The following TNIK variants were observed in gnomAD, a reference collection of about 807,000 sequenced individuals.
TNIK encodes TRAF2 and NCK-interacting protein kinase.
In TNIK, 49 loss-of-function variants were observed where a neutral mutation model predicts 191.3. The ratio of observed to expected loss-of-function variants is 0.26; its 90% confidence interval spans 0.20 to 0.32. TNIK has a LOEUF of 0.32. TNIK is among the 10% of genes least tolerant of loss of function. TNIK has a pLI of 1.00. For missense variants in TNIK, 1,155 were observed against 1,702.3 expected (o/e 0.68, Z 5.66); for synonymous variants, 594 against 600.9 (o/e 0.99, Z 0.17).
At chr3:171,093,740 T>C in intron 23 of TNIK, 99 bp downstream of exon 23, 1 of 1,468,280 alleles carries the variant, frequency 6.8e-7, no homozygotes, top group Non-Finnish European at 9.1e-7. Context: ...GAATTCCCCA[T>C]ACTTAAAATA....
At chr3:171,419,205 G>A (rs1335167496) in intron 1 of TNIK, among the ~76,000 whole-genome samples, 3 of 152,134 alleles carry the variant, frequency 2.0e-5, no homozygotes, top group African/African-American at 4.8e-5. Flanking sequence ...ATGTAACAAC[G>A]TGGACAAAAC....
chr3:171,429,228 A>G (rs1193690951), intron 1 of TNIK, among the ~76,000 whole-genome samples: 1 of 152,200 alleles, frequency 6.6e-6, no homozygotes, highest in Non-Finnish European at 1.5e-5. Flanking sequence ...TTTTAAGGGT[A>G]TCATGATCCC....
rs113761634 is a variant in TNIK, at chr3:171,237,735, A to C, written c.124-9514T>G. Among the ~76,000 whole-genome samples the C allele has an allele frequency of 5.2e-3, 790 of 152,268 alleles. 6 individuals carry two copies. Among genetic ancestry groups the C allele is most frequent in the Admixed American group, 0.013 (194 of 15,300 alleles). On this transcript the variant is annotated intron_variant, in intron 2 of 32. Transcript: ENST00000436636. ...CCAGGAACTCGAGACCAGCCTGAGC[A>C]ATATAGTGAGACCCCGTCTCTATAA...
At chr3:171,408,380 G>C (rs564960927) in intron 1 of TNIK, among the ~76,000 whole-genome samples, 119 of 152,270 alleles carry the variant, frequency 7.8e-4, no homozygotes, top group African/African-American at 2.7e-3. Flanking sequence ...GGCTCATTTA[G>C]CCATGAAGGG....
At chr3:171,339,308 G>A (rs1288752417) in intron 2 of TNIK, among the ~76,000 whole-genome samples, 6 of 152,198 alleles carry the variant, frequency 3.9e-5, no homozygotes, top group African/African-American at 1.4e-4. Context: ...TCCTTGCCAT[G>A]AGTGTGGCTC....
intron 3 of TNIK, among the ~76,000 whole-genome samples, chr3:171,224,471 A>T (rs1181494154): frequency 1.3e-5 from 2 of 152,062 alleles, no homozygotes; most frequent in Non-Finnish European, 2.9e-5. Flanking sequence ...GGTTATCAAA[A>T]AAAAAACCCC....
chr3:171,295,487 T>G (rs13092279), intron 2 of TNIK, among the ~76,000 whole-genome samples: 67,910 of 151,958 alleles, frequency 0.45, 15,912 homozygotes, highest in Non-Finnish European at 0.51. Context: ...AGCTCCAAGC[T>G]GTCACATCTC....
chr3:171,166,367 CA>C (rs1734620498), intron 10 of TNIK, among the ~76,000 whole-genome samples: 1 of 152,170 alleles, frequency 6.6e-6, no homozygotes, highest in African/African-American at 2.4e-5. Context: ...CCCTAATATA[CA>C]GTATTAGCAT....
At chr3:171,165,415 CAAAAAAA>C (rs35708323) in intron 10 of TNIK, among the ~76,000 whole-genome samples, 13 of 72,796 alleles carry the variant, frequency 1.8e-4, no homozygotes, top group African/African-American at 5.5e-4. Context: ...GAACTCATCT[CAAAAAAA>C]AAAAAAAAAA....
At chr3:171,282,822 A>G (rs1750617116) in intron 2 of TNIK, among the ~76,000 whole-genome samples, 2 of 152,362 alleles carry the variant, frequency 1.3e-5, no homozygotes, top group Admixed American at 6.5e-5. Flanking sequence ...TTAGAATACA[A>G]AACTCTAAGA....
At chr3:171,147,860 C>A (rs1731851418) in intron 12 of TNIK, among the ~76,000 whole-genome samples, 1 of 152,104 alleles carries the variant, frequency 6.6e-6, no homozygotes, top group African/African-American at 2.4e-5. Context: ...TCTTGCCATG[C>A]TGCCTCATTT....
At chr3:171,066,804 C>A in intron 30 of TNIK, 69 bp from the exon 31 acceptor site, 2 of 1,509,908 alleles carry the variant, frequency 1.3e-6, no homozygotes, top group Non-Finnish European at 8.9e-7. Flanking sequence ...TCATCTCTAA[C>A]AACTGCAAAA....
rs1384790554 is a variant in TNIK, at chr3:171,128,813, C to T, written c.1674G>A (p.Arg558=). ...TTGGGGGCAGGTTGGGGTCAGATAT[C>T]CTGTTGGCAACCTTGTGAGGCATGG... The part of the protein sequence containing the change: ...SPAMPHKVAN[R]ISDPNLPPRS... Residue 558 remains arginine, a synonymous_variant, in exon 16 of 33, where the codon AGG becomes AGA. Transcript: ENST00000436636. 1 of 1,602,374 alleles carries T rather than the reference C, an allele frequency of 6.2e-7. No homozygotes were observed. The highest frequency in any genetic ancestry group is 8.5e-7 in the Non-Finnish European group (1 of 1,175,566).
chr3:171,235,386 C>T (rs1336983644), intron 2 of TNIK, among the ~76,000 whole-genome samples: 1 of 152,162 alleles, frequency 6.6e-6, no homozygotes, highest in African/African-American at 2.4e-5. Flanking sequence ...GACTAACCCC[C>T]CTAGGTGTGG....
chr3:171,295,094 T>C (rs1252471586), intron 2 of TNIK, among the ~76,000 whole-genome samples: 3 of 152,038 alleles, frequency 2.0e-5, no homozygotes, highest in African/African-American at 7.2e-5. Context: ...ATATATATCC[T>C]TCTGTTCACA....
chr3:171,216,551 A>C (rs1026449772), intron 3 of TNIK, among the ~76,000 whole-genome samples: 3 of 152,228 alleles, frequency 2.0e-5, no homozygotes, highest in African/African-American at 7.2e-5. Context: ...GCCATTCTGC[A>C]CATGAATAGG....
chr3:171,318,644 C>T (rs908125407), intron 2 of TNIK, among the ~76,000 whole-genome samples: 1 of 152,094 alleles, frequency 6.6e-6, no homozygotes, highest in African/African-American at 2.4e-5. Flanking sequence ...TTTACATGGT[C>T]TATCGATTTT....
intron 4 of TNIK, among the ~76,000 whole-genome samples, 161 bp from the exon 5 acceptor site, chr3:171,194,796 T>C (rs902619476): frequency 1.3e-5 from 2 of 152,226 alleles, no homozygotes; most frequent in Non-Finnish European, 2.9e-5. Flanking sequence ...TACCTTCATG[T>C]ACTCCCAAAA....
chr3:171,181,219 G>C (rs1736611731), intron 7 of TNIK, among the ~76,000 whole-genome samples: 1 of 152,176 alleles, frequency 6.6e-6, no homozygotes, highest in Non-Finnish European at 1.5e-5. Flanking sequence ...CTGTTGCTCA[G>C]AGCTTAGCTT....
Sources: allele counts gnomAD v4.1 joint callset (sites outside exome capture counted in the v4.1 genomes callset), GRCh38; gene constraint gnomAD v4.1.1; transcripts MANE v1.5; gene names NCBI Gene and HGNC (gene_info 2026-07-23, HGNC 2026-07-21).